The following CPVL variants were observed in gnomAD, a reference collection of about 807,000 sequenced individuals.
CPVL encodes the protein carboxypeptidase vitellogenic like.
Under a neutral mutation model 63.7 loss-of-function variants are expected in CPVL, and 51 were observed. That is an observed-to-expected ratio of 0.80 (90% CI 0.64 to 1.01). The LOEUF (loss-of-function observed/expected upper bound fraction) is 1.01. Ranked by LOEUF, CPVL falls within the 50% of genes least tolerant of loss-of-function variation. The probability of loss-of-function intolerance (pLI) is 0.00; values close to 1 mark genes in which losing one functional copy is unlikely to be tolerated. For missense variants in CPVL, 530 were observed against 573.1 expected, an observed-to-expected ratio of 0.92 and a Z score of 0.77; for synonymous variants, 195 against 206.0, an observed-to-expected ratio of 0.95 and a Z score of 0.46.
intron 12 of CPVL, chr7:29,010,061 T>C (rs1033350587): frequency 2.6e-5 from 4 of 152,078 alleles, no homozygotes; most frequent in African/African-American, 9.7e-5. Flanking sequence ...AAACAGTATG[T>C]GGGGAAGGCC....
In CPVL at chr7:29,041,005, A is replaced by G. The variant is rs77139515; in HGVS notation, c.1138-10246T>C. Reference sequence around the variant, plus strand: ...TCTTGTCCTCTTGCTTGAATATAAAAGTCCTGGGGCCCCTTCTAGTCAGTC... The same window carrying G: ...TCTTGTCCTCTTGCTTGAATATAAAGGTCCTGGGGCCCCTTCTAGTCAGTC... On this transcript the variant is annotated intron_variant, in intron 11 of 12. Transcript: ENST00000265394. Among the ~76,000 whole-genome samples the G allele has an allele frequency of 7.7e-3, 1,165 of 152,214 alleles. 4 individuals carry two copies. The highest frequency in any genetic ancestry group is 0.011 in the Non-Finnish European group (727 of 68,018).
At chr7:29,173,799 A>T (rs1177020136) in intron 5 of CPVL, among the ~76,000 whole-genome samples, 5 of 150,074 alleles carry the variant, frequency 3.3e-5, no homozygotes, top group African/African-American at 1.2e-4. Context: ...AAATTAGTCG[A>T]GTGTGGTGGT....
chr7:29,041,643 A>C (rs2128164559), intron 11 of CPVL, among the ~76,000 whole-genome samples: 1 of 152,284 alleles, frequency 6.6e-6, no homozygotes, highest in East Asian at 1.9e-4. Context: ...CCAACCAATA[A>C]GAAACGGCCC....
chr7:29,111,209 A>G (rs1788191046), intron 3 of CPVL, among the ~76,000 whole-genome samples: 1 of 152,274 alleles, frequency 6.6e-6, no homozygotes, highest in Non-Finnish European at 1.5e-5. Context: ...AATGACATCA[A>G]TAGATATGAT....
At chr7:29,026,356 C>T (rs1349061980) in intron 12 of CPVL, among the ~76,000 whole-genome samples, 1 of 151,936 alleles carries the variant, frequency 6.6e-6, no homozygotes. Flanking sequence ...TAAATACCTA[C>T]ATCAAAAAAG....
At chr7:29,068,698 GT>G (rs1224426627) in intron 9 of CPVL, among the ~76,000 whole-genome samples, 230 of 137,116 alleles carry the variant, frequency 1.7e-3, no homozygotes, top group Non-Finnish European at 2.2e-3. Context: ...TTTTTTCTTT[GT>G]TTTTTTTTTT....
At position 29,096,169 on chromosome 7, in the gene CPVL, C is replaced by T; in HGVS notation, c.337G>A (p.Gly113Arg). 1 of 1,614,166 alleles carries T rather than the reference C, an allele frequency of 6.2e-7. No individual in the cohort carries two copies. Among genetic ancestry groups the T allele is most frequent in the Non-Finnish European group, 8.5e-7 (1 of 1,180,012 alleles). The change falls in exon 4 of 13, where the codon GGA becomes AGA. Residue 113 changes from glycine (G) to arginine (R), a missense_variant. Coordinates refer to ENST00000265394, the MANE Select transcript of CPVL (RefSeq NM_031311.5). ...AAGAGTCCAAACATGGATGAACCTC[C>T]CGGCCCACCCTGTAGCCAGAGAACT... is the stretch of plus-strand genomic sequence containing the variant. The part of the protein sequence containing the change: ...PVVLWLQGGP[G>R]GSSMFGLFVE...
At chr7:29,073,575 G>A (rs1783957717) in intron 7 of CPVL, among the ~76,000 whole-genome samples, 1 of 152,134 alleles carries the variant, frequency 6.6e-6, no homozygotes, top group Non-Finnish European at 1.5e-5. Flanking sequence ...CCAGGCACAT[G>A]TCTGCCAGGC....
chr7:29,084,297 C>T (rs904867596), intron 7 of CPVL, among the ~76,000 whole-genome samples: 1 of 152,218 alleles, frequency 6.6e-6, no homozygotes, highest in Non-Finnish European at 1.5e-5. Context: ...AGCCTGTCCC[C>T]ACTGGAGAGT....
chr7:29,094,840 C>T (rs1395607587), intron 5 of CPVL, among the ~76,000 whole-genome samples: 2 of 150,180 alleles, frequency 1.3e-5, no homozygotes, highest in Non-Finnish European at 3.0e-5. Context: ...AGCGAGACTC[C>T]ATCTCAATAG....
intron 6 of CPVL, among the ~76,000 whole-genome samples, chr7:29,090,970 C>G (rs577917814): frequency 2.0e-5 from 3 of 152,288 alleles, no homozygotes; most frequent in East Asian, 3.9e-4. Flanking sequence ...TGAAGCGACC[C>G]TCTTATTCCA....
At chr7:29,073,251 ATCTC>A in intron 7 of CPVL, among the ~76,000 whole-genome samples, 1 of 152,076 alleles carries the variant, frequency 6.6e-6, no homozygotes, top group East Asian at 1.9e-4. Flanking sequence ...CATTCGTTAT[ATCTC>A]TCTTTGTCTC....
At chr7:29,066,624 C>G (rs1174378372) in intron 9 of CPVL, among the ~76,000 whole-genome samples, 1 of 152,194 alleles carries the variant, frequency 6.6e-6, no homozygotes, top group Non-Finnish European at 1.5e-5. Flanking sequence ...AGCTCAAAGG[C>G]CTTGCCTATG....
At chr7:29,126,830 G>A (rs1451923813) in intron 1 of CPVL, 1 of 152,186 alleles carries the variant, frequency 6.6e-6, no homozygotes, top group Admixed American at 6.5e-5. Context: ...CTTGAGCCCA[G>A]GAGTTTATTT....
chr7:29,086,398 A>G lies in CPVL; in HGVS notation c.609+86T>C, dbSNP rs182277405. 8 of 934,120 alleles carry G rather than the reference A, an allele frequency of 8.6e-6. No individual in the cohort carries two copies. In the Admixed American group the frequency reaches 1.5e-4, roughly 17 times the overall value. 57.9% of individuals were successfully genotyped at this position (934,120 alleles called of 1,614,324 possible). A position where few individuals can be genotyped will look rare whatever the true frequency, so the allele number is the denominator to read the frequency against. On this transcript the variant is annotated intron_variant, in intron 7 of 12. Transcript: ENST00000265394. ...TATGTGTACATGTATATACATATAT[A>G]GATTTTAAATGAACAAACTACACTC...
chr7:29,077,581 C>T (rs546920451), intron 7 of CPVL, among the ~76,000 whole-genome samples: 12 of 152,280 alleles, frequency 7.9e-5, no homozygotes, highest in African/African-American at 2.9e-4. Context: ...CTCTCCCCAG[C>T]TACACAGAAC....
intron 6 of CPVL, 27 bp downstream of exon 6, chr7:29,092,596 A>G (rs2687636): frequency 0.5 from 777,218 of 1,539,664 alleles, 205,142 homozygotes; most frequent in African/African-American, 0.86. Context: ...GTCTTAGGAA[A>G]GCCAAGAGAA....
chr7:29,191,927 T>C (rs1385855861), intron 1 of CPVL: 1 of 152,254 alleles, frequency 6.6e-6, no homozygotes, highest in Admixed American at 6.5e-5. Context: ...ACTAAACATT[T>C]TTGCAAGGAG....
chr7:29,146,671 C>T, upstream of CPVL: 1 of 1,550,656 alleles, frequency 6.4e-7, no homozygotes, highest in Non-Finnish European at 8.7e-7. Context: ...CAGCGCTTCC[C>T]ATGCTGGAAG....
Sources: gnomAD v4.1 joint callset for allele counts (sites outside exome capture counted in the v4.1 genomes callset) on GRCh38, gnomAD v4.1.1 for gene constraint, MANE v1.5 for transcripts, NCBI Gene and HGNC (gene_info 2026-07-23, HGNC 2026-07-21) for gene names.